LY6S: variants seen among roughly 807,000 people sequenced by gnomAD.
LY6S encodes the protein lymphocyte antigen 6 family member S.
chr8:143,046,817 T>C, the LY6S span, among the ~76,000 whole-genome samples: 9 of 151,384 alleles, frequency 5.9e-5, no homozygotes, highest in Non-Finnish European at 1.2e-4. Context: ...CTGGTCAACA[T>C]GACGAAACCC....
chr8:143,043,136 G>A, the LY6S span: 2 of 1,367,690 alleles, frequency 1.5e-6, no homozygotes, highest in East Asian at 4.6e-5. Context: ...GCAGGGCCCA[G>A]AGGAAGACTG....
At chr8:143,057,184 G>T in the LY6S span, 2 of 336,354 alleles carry the variant, frequency 5.9e-6, no homozygotes, top group South Asian at 3.6e-5. Context: ...CTTTTTTCTG[G>T]TAATATTCCG....
the LY6S span, among the ~76,000 whole-genome samples, chr8:143,074,815 A>T: frequency 7.9e-5 from 12 of 152,242 alleles, no homozygotes; most frequent in Non-Finnish European, 1.8e-4. Context: ...AGAACCAAGA[A>T]ACATCAGTCT....
At chr8:143,057,379 A>G in the LY6S span, among the ~76,000 whole-genome samples, 17 of 151,928 alleles carry the variant, frequency 1.1e-4, no homozygotes, top group Non-Finnish European at 2.2e-4. Flanking sequence ...CCTCCTGAGT[A>G]GCTGAGACTA....
chr8:143,065,019 G>A, the LY6S span, among the ~76,000 whole-genome samples: 1 of 152,194 alleles, frequency 6.6e-6, no homozygotes, highest in Admixed American at 6.5e-5. Context: ...TCTGTAGGGA[G>A]GGTTAGAGTT....
At chr8:143,072,855 C>T in the LY6S span, among the ~76,000 whole-genome samples, 12 of 130,356 alleles carry the variant, frequency 9.2e-5, no homozygotes, top group African/African-American at 3.7e-4. Context: ...CCGTCGTCCT[C>T]GTGGTCCCTG....
At chr8:143,075,755 T>C in the LY6S span, among the ~76,000 whole-genome samples, 1 of 152,302 alleles carries the variant, frequency 6.6e-6, no homozygotes, top group Middle Eastern at 3.4e-3. The surrounding 1 kb of genome is among the most constrained non-coding windows in gnomAD (Gnocchi z 4.1). Context: ...ATATATAGGG[T>C]TAGATTTTTC....
the LY6S span, chr8:143,057,676 G>T: frequency 3.5e-6 from 3 of 868,486 alleles, no homozygotes; most frequent in Non-Finnish European, 6.0e-6. Context: ...AGCCGCTGGC[G>T]GGATGAATCC....
the LY6S span, among the ~76,000 whole-genome samples, chr8:143,045,744 G>A: frequency 1.3e-5 from 2 of 152,316 alleles, no homozygotes. The surrounding 1 kb of genome is among the most constrained non-coding windows in gnomAD (Gnocchi z 5.3). Flanking sequence ...TGCCCTCAGC[G>A]GCTCCTCCCC....
chr8:143,076,187 CA>C, the LY6S span, among the ~76,000 whole-genome samples: 1 of 152,170 alleles, frequency 6.6e-6, no homozygotes, highest in Non-Finnish European at 1.5e-5. Flanking sequence ...TCACTAAACC[CA>C]AAGTCAGAAA....
chr8:143,057,112 A>G, the LY6S span: 1 of 325,006 alleles, frequency 3.1e-6, no homozygotes, highest in Non-Finnish European at 6.2e-6. Context: ...AGTTGGTAGG[A>G]AAGTGTATAT....
chr8:143,070,351 G>C, the LY6S span, among the ~76,000 whole-genome samples: 4 of 138,458 alleles, frequency 2.9e-5, no homozygotes, highest in Admixed American at 1.5e-4. Flanking sequence ...GTGCCCATGG[G>C]CTTTCTCCAG....
At chr8:143,049,703 C>A in the LY6S span, among the ~76,000 whole-genome samples, 2 of 152,202 alleles carry the variant, frequency 1.3e-5, no homozygotes, top group African/African-American at 2.4e-5. Context: ...CCCATTTCAC[C>A]CCCTCCTTAT....
the LY6S span, among the ~76,000 whole-genome samples, chr8:143,072,803 G>C: frequency 7.1e-6 from 1 of 140,736 alleles, no homozygotes; most frequent in African/African-American, 2.7e-5. Flanking sequence ...CCCTGTTTGA[G>C]GAGACAGCCG....
At chr8:143,072,589 T>C in the LY6S span, among the ~76,000 whole-genome samples, 63 of 67,418 alleles carry the variant, frequency 9.3e-4, no homozygotes, top group African/African-American at 9.1e-4. Flanking sequence ...TCCTCGGGGT[T>C]CCTGTTTGAG....
the LY6S span, among the ~76,000 whole-genome samples, chr8:143,050,446 G>A: frequency 6.6e-6 from 1 of 152,076 alleles, no homozygotes; most frequent in Non-Finnish European, 1.5e-5. Flanking sequence ...CTCCTAAAGT[G>A]CTGGGATTAC....
At chr8:143,043,531 G>C in the LY6S span, among the ~76,000 whole-genome samples, 1 of 152,192 alleles carries the variant, frequency 6.6e-6, no homozygotes, top group African/African-American at 2.4e-5. Context: ...GTGGCAGAAA[G>C]GGCAGCAGGG....
chr8:143,060,640 G>A, the LY6S span, among the ~76,000 whole-genome samples: 1 of 152,064 alleles, frequency 6.6e-6, no homozygotes, highest in Non-Finnish European at 1.5e-5. Flanking sequence ...AATAAATAAC[G>A]GCACGGCCAG....
chr8:143,043,654 G>A, the LY6S span, among the ~76,000 whole-genome samples: 15 of 152,146 alleles, frequency 9.9e-5, no homozygotes, highest in African/African-American at 3.1e-4. Flanking sequence ...AAACAGCTGC[G>A]GGCTCCAGGC....
Sources: gnomAD v4.1 joint callset for allele counts (sites outside exome capture counted in the v4.1 genomes callset) on GRCh38, gnomAD v4.1.1 for gene constraint, Gnocchi (gnomAD v3.1) non-coding constraint, MANE v1.5 for transcripts, NCBI Gene and HGNC (gene_info 2026-07-23, HGNC 2026-07-21) for gene names.